The following MED12L variants were observed in gnomAD, a reference collection of about 807,000 sequenced individuals.
The protein encoded by MED12L is mediator complex subunit 12L.
A neutral mutation model predicts 281.3 loss-of-function variants in MED12L; 60 were observed. The observed-to-expected ratio is 0.21, with a 90% confidence interval of 0.17 to 0.26. The LOEUF is 0.26. Among genes scored for constraint, MED12L ranks in the 10% least tolerant of loss-of-function variants. The pLI is 1.00. For missense variants in MED12L, 2,146 were observed against 2,680.9 expected (o/e 0.80, Z 4.41); for synonymous variants, 974 against 987.2 (o/e 0.99, Z 0.25).
At chr3:151,291,028 G>A (rs892453626) in intron 16 of MED12L, among the ~76,000 whole-genome samples, 12 of 152,016 alleles carry the variant, frequency 7.9e-5, no homozygotes, top group Admixed American at 7.2e-4. Context: ...GCTGAGCACA[G>A]TATCTTTTTA....
intron 11 of MED12L, among the ~76,000 whole-genome samples, chr3:151,180,050 A>G (rs1449390112): frequency 6.6e-6 from 1 of 152,220 alleles, no homozygotes; most frequent in Admixed American, 6.5e-5. Flanking sequence ...TAGTATTGGA[A>G]AATATTTATT....
intron 16 of MED12L, among the ~76,000 whole-genome samples, chr3:151,344,369 C>A (rs934861579): frequency 2.6e-5 from 4 of 151,862 alleles, no homozygotes; most frequent in African/African-American, 9.7e-5. Flanking sequence ...CACACCCATT[C>A]TTCCTCCCAG....
At chr3:151,244,867 G>A (rs956170597) in intron 16 of MED12L, among the ~76,000 whole-genome samples, 15 of 152,042 alleles carry the variant, frequency 9.9e-5, no homozygotes, top group African/African-American at 2.4e-4. Flanking sequence ...TTGATAGACC[G>A]CTAGCAAGAC....
chr3:151,211,979 A>T (rs964661480), intron 16 of MED12L: 1 of 152,236 alleles, frequency 6.6e-6, no homozygotes, highest in Non-Finnish European at 1.5e-5. Context: ...ACTGGCAGAT[A>T]GAATTTTTGA....
intron 16 of MED12L, among the ~76,000 whole-genome samples, chr3:151,298,426 A>C (rs140084349): frequency 6.6e-6 from 1 of 152,192 alleles, no homozygotes; most frequent in Non-Finnish European, 1.5e-5. Context: ...TGTGCATGCA[A>C]TGTTGGATAT....
At chr3:151,422,546 C>G (rs910505492) in intron 43 of MED12L, among the ~76,000 whole-genome samples, 3 of 152,156 alleles carry the variant, frequency 2.0e-5, no homozygotes, top group Non-Finnish European at 4.4e-5. Flanking sequence ...GATACCAGTC[C>G]TTATGCGTTT....
At chr3:151,152,717 T>C (rs1310826287) in intron 5 of MED12L, among the ~76,000 whole-genome samples, 1 of 152,182 alleles carries the variant, frequency 6.6e-6, no homozygotes, top group African/African-American at 2.4e-5. Context: ...GAGATTGAGA[T>C]TTAGCAGAGG....
At chr3:151,270,811 C>T (rs1375907447) in intron 16 of MED12L, among the ~76,000 whole-genome samples, 1 of 152,160 alleles carries the variant, frequency 6.6e-6, no homozygotes, top group Non-Finnish European at 1.5e-5. Flanking sequence ...AGTGATGACT[C>T]TTGCCCTGCC....
intron 16 of MED12L, among the ~76,000 whole-genome samples, chr3:151,256,551 A>G (rs1030316285): frequency 1.1e-4 from 17 of 152,010 alleles, no homozygotes; most frequent in African/African-American, 3.9e-4. Flanking sequence ...GGGTTTTGCT[A>G]TTTTTTTCCT....
intron 11 of MED12L, among the ~76,000 whole-genome samples, chr3:151,176,376 T>C (rs1338047409): frequency 6.6e-6 from 1 of 152,144 alleles, no homozygotes; most frequent in African/African-American, 2.4e-5. Flanking sequence ...GGTCCATTAC[T>C]TGCCTAGGGA....
intron 21 of MED12L, among the ~76,000 whole-genome samples, chr3:151,364,366 CATG>C (rs1286350739): frequency 1.3e-5 from 2 of 152,094 alleles, no homozygotes; most frequent in African/African-American, 2.4e-5. Flanking sequence ...AGAAATACAA[CATG>C]ATAAGTTTTT....
intron 9 of MED12L, 47 bp from the exon 10 acceptor site, chr3:151,165,373 G>A (rs755360821): frequency 4.8e-6 from 7 of 1,463,352 alleles, no homozygotes; most frequent in East Asian, 4.5e-5. Context: ...TTAGACATGC[G>A]CTGTGGCATT....
rs151304103 is a variant in MED12L, at chr3:151,230,269, C to T, written c.2250+36603C>T. Reference sequence around the variant, plus strand: ...GATTACAGGCGTGAGCCACCGCACCCGGCCGGGATCTGTTCTTGAATATGC... The same window carrying T: ...GATTACAGGCGTGAGCCACCGCACCTGGCCGGGATCTGTTCTTGAATATGC... On this transcript the variant is annotated intron_variant, in intron 16 of 44. Coordinates refer to ENST00000687756, the MANE Select transcript of MED12L (RefSeq NM_001393769.1). Among the ~76,000 whole-genome samples, 27 of 152,346 alleles carry T rather than the reference C, an allele frequency of 1.8e-4. No homozygotes were observed. In the South Asian group the frequency reaches 2.5e-3, roughly 14 times the overall value.
chr3:151,335,333 T>C (rs886672258), intron 16 of MED12L, among the ~76,000 whole-genome samples: 3 of 152,228 alleles, frequency 2.0e-5, no homozygotes, highest in Non-Finnish European at 2.9e-5. Context: ...TGTACAGTTA[T>C]TATGTATCCA....
chr3:151,223,863 CTA>C (rs1729920208), intron 16 of MED12L, among the ~76,000 whole-genome samples: 2 of 152,200 alleles, frequency 1.3e-5, no homozygotes, highest in African/African-American at 4.8e-5. Context: ...AGAACATTGC[CTA>C]CTCCTGGGGA....
At chr3:151,157,287 G>A (rs918491923) in intron 6 of MED12L, among the ~76,000 whole-genome samples, 1 of 151,380 alleles carries the variant, frequency 6.6e-6, no homozygotes, top group African/African-American at 2.4e-5. Flanking sequence ...GAATATAATC[G>A]AAATAGTAAT....
chr3:151,361,421 T>G (rs934690671), intron 21 of MED12L, among the ~76,000 whole-genome samples: 2 of 78,104 alleles, frequency 2.6e-5, no homozygotes, highest in African/African-American at 1.2e-4. Flanking sequence ...ATCTAATGTT[T>G]CCTGGTATGA....
intron 5 of MED12L, among the ~76,000 whole-genome samples, chr3:151,137,805 A>AT (rs985225742): frequency 7.9e-4 from 117 of 148,304 alleles, no homozygotes; most frequent in East Asian, 7.2e-3. Context: ...AGTATGTGAA[A>AT]TTTTTTTTTT....
chr3:151,094,992 C>T (rs1003675939), intron 2 of MED12L, among the ~76,000 whole-genome samples: 3 of 152,172 alleles, frequency 2.0e-5, no homozygotes, highest in Admixed American at 6.5e-5. Context: ...CTGGATAGGG[C>T]TGGAGTTAGG....
Sources: gnomAD v4.1 joint callset for allele counts (sites outside exome capture counted in the v4.1 genomes callset) on GRCh38, gnomAD v4.1.1 for gene constraint, MANE v1.5 for transcripts, NCBI Gene and HGNC (gene_info 2026-07-23, HGNC 2026-07-21) for gene names.